RAB27B: variants seen among roughly 807,000 people sequenced by gnomAD.
RAB27B encodes the protein ras-related protein Rab-27B.
Under a neutral mutation model 24.6 loss-of-function variants are expected in RAB27B, and 15 were observed. That is an observed-to-expected ratio of 0.61 (90% CI 0.41 to 0.94). The LOEUF is 0.94. Ranked by LOEUF, RAB27B falls within the 40% of genes least tolerant of loss-of-function variation. RAB27B has a pLI of 0.00. For missense variants in RAB27B, 261 were observed against 266.8 expected (o/e 0.98, Z 0.15); for synonymous variants, 105 against 92.5 (o/e 1.14, Z -0.78).
Position 54,884,406 on chromosome 18 carries a change from C to T in RAB27B, c.313C>T (p.Gln105Ter). The T allele has an allele frequency of 6.2e-7, 1 of 1,611,994 alleles. No homozygotes were observed. The highest frequency in any genetic ancestry group is 1.1e-5 in the South Asian group (1 of 91,002). The change falls in exon 4 of 6, where the codon CAG becomes TAG. Residue 105 changes from glutamine to a stop codon, truncating the protein, a stop_gained. Coordinates refer to ENST00000262094, the MANE Select transcript of RAB27B (RefSeq NM_004163.4). LOFTEE classifies it high-confidence loss of function. ...ATTAATGTTTGACCTCACCAGTCAA[C>T]AGAGCTTCTTAAATGTCAGAAACTG... ...FLLMFDLTSQ[Q>*]SFLNVRNWMS...
At chr18:54,811,534 A>T (rs2145149925) in intron 2 of RAB27B, among the ~76,000 whole-genome samples, 1 of 152,258 alleles carries the variant, frequency 6.6e-6, no homozygotes, top group Middle Eastern at 3.4e-3. Flanking sequence ...GGATGGAGGA[A>T]TAGTCACTTA....
intron 2 of RAB27B, among the ~76,000 whole-genome samples, chr18:54,780,634 C>T (rs1908885830): frequency 6.6e-6 from 1 of 152,166 alleles, no homozygotes; most frequent in African/African-American, 2.4e-5. Flanking sequence ...AGAGCCAACC[C>T]ACATGACCTC....
intron 1 of RAB27B, among the ~76,000 whole-genome samples, chr18:54,838,043 G>A (rs1910963070): frequency 6.6e-6 from 1 of 152,074 alleles, no homozygotes; most frequent in South Asian, 2.1e-4. Context: ...TTAATATCAT[G>A]CTCTAATAAT....
chr18:54,825,756 A>T (rs896998286), upstream of RAB27B, among the ~76,000 whole-genome samples: 2 of 152,210 alleles, frequency 1.3e-5, no homozygotes, highest in Non-Finnish European at 2.9e-5. Context: ...AGATGGAGGA[A>T]CTTATGGTTG....
At chr18:54,821,954 T>C (rs529551558) in intron 2 of RAB27B, among the ~76,000 whole-genome samples, 27 of 152,264 alleles carry the variant, frequency 1.8e-4, no homozygotes, top group Non-Finnish European at 3.7e-4. Context: ...GGTTTCACCA[T>C]GTCGGCCAGG....
chr18:54,752,772 C>T (rs1416764286), intron 2 of RAB27B, among the ~76,000 whole-genome samples: 1 of 152,172 alleles, frequency 6.6e-6, no homozygotes, highest in Non-Finnish European at 1.5e-5. Flanking sequence ...GGCCATTCTA[C>T]AGGGCATTCA....
chr18:54,877,621 C>T lies in RAB27B; in HGVS notation c.36C>T (p.Leu12=), dbSNP rs1912756321. 4 of 1,590,992 alleles carry T rather than the reference C, an allele frequency of 2.5e-6. No individual in the cohort carries two copies. The Admixed American group carries it at 5.6e-5, about 22-fold the overall frequency. ...GAGACTATGATTATCTGATCAAACT[C>T]CTGGCCCTCGGGGATTCAGGGGTGG... is the stretch of plus-strand genomic sequence containing the variant. The part of the protein sequence containing the change: ...TDGDYDYLIK[L]LALGDSGVGK... Residue 12 remains leucine (L), a synonymous_variant, in exon 2 of 6, where the codon CTC becomes CTT. Coordinates refer to ENST00000262094, the MANE Select transcript of RAB27B (RefSeq NM_004163.4).
intron 2 of RAB27B, among the ~76,000 whole-genome samples, chr18:54,767,139 T>C (rs1908388587): frequency 6.6e-6 from 1 of 152,210 alleles, no homozygotes; most frequent in Non-Finnish European, 1.5e-5. Flanking sequence ...GATTTTCCTT[T>C]CTTTTATCTT....
chr18:54,874,777 C>A (rs886176778), intron 1 of RAB27B, among the ~76,000 whole-genome samples: 2 of 152,094 alleles, frequency 1.3e-5, no homozygotes, highest in Admixed American at 6.6e-5. Context: ...TAAGCACTTT[C>A]TTTTTTCTGA....
chr18:54,745,919 A>G (rs1481955079), intron 2 of RAB27B, among the ~76,000 whole-genome samples: 1 of 150,450 alleles, frequency 6.6e-6, no homozygotes, highest in Non-Finnish European at 1.5e-5. Flanking sequence ...GCCAAGATAA[A>G]TAGATACAAA....
intron 2 of RAB27B, among the ~76,000 whole-genome samples, chr18:54,734,914 A>G (rs1909843135): frequency 6.6e-6 from 1 of 152,192 alleles, no homozygotes; most frequent in African/African-American, 2.4e-5. Context: ...GAAATTATGA[A>G]TCTCAGACAA....
Position 54,889,505 on chromosome 18 carries a change from G to C in RAB27B, c.*92G>C, listed in dbSNP as rs575722674. ...ACACAATTGTTGTTGAGTAAACCAC[G>C]CACAATGGCATGTCTTTCTTTTTCT... On this transcript the variant is annotated 3_prime_UTR_variant, in exon 6 of 6. Transcript: ENST00000262094. The C allele has an allele frequency of 9.0e-7, 1 of 1,111,264 alleles. No individual in the cohort carries two copies. Among genetic ancestry groups the C allele is most frequent in the Non-Finnish European group, 1.3e-6 (1 of 799,978 alleles). 68.8% of individuals were successfully genotyped at this position (1,111,264 alleles called of 1,614,324 possible). A position where few individuals can be genotyped will look rare whatever the true frequency, so the allele number is the denominator to read the frequency against.
intron 1 of RAB27B, among the ~76,000 whole-genome samples, chr18:54,836,876 C>T (rs1338796532): frequency 1.3e-5 from 2 of 150,074 alleles, no homozygotes; most frequent in African/African-American, 5.1e-5. Flanking sequence ...ACATTATAAA[C>T]ATTAGGAAAA....
At chr18:54,797,292 G>A (rs543110634) in intron 2 of RAB27B, among the ~76,000 whole-genome samples, 28 of 152,314 alleles carry the variant, frequency 1.8e-4, no homozygotes, top group Non-Finnish European at 3.4e-4. Context: ...TTGTGAGGCC[G>A]AGGTGGGTGG....
intron 3 of RAB27B, among the ~76,000 whole-genome samples, chr18:54,883,237 T>C (rs1441870676): frequency 1.3e-5 from 2 of 152,060 alleles, no homozygotes; most frequent in Non-Finnish European, 2.9e-5. Flanking sequence ...GCAGGGAACA[T>C]CTGGATCTCT....
At chr18:54,801,010 T>G (rs1412738662) in intron 2 of RAB27B, among the ~76,000 whole-genome samples, 3 of 45,858 alleles carry the variant, frequency 6.5e-5, no homozygotes, top group South Asian at 9.7e-4. Flanking sequence ...GTTCCTGTGT[T>G]TTTTTTTTTT....
chr18:54,810,019 A>C (rs1909913189), intron 2 of RAB27B, among the ~76,000 whole-genome samples: 2 of 152,228 alleles, frequency 1.3e-5, no homozygotes, highest in African/African-American at 4.8e-5. Context: ...TGAAGTTTTG[A>C]GAACAATTGA....
chr18:54,870,671 T>G (rs980732934), intron 1 of RAB27B, among the ~76,000 whole-genome samples: 5 of 152,182 alleles, frequency 3.3e-5, no homozygotes, highest in African/African-American at 1.2e-4. Flanking sequence ...GTAAGTGAAA[T>G]ATAGGTTAAA....
intron 2 of RAB27B, among the ~76,000 whole-genome samples, chr18:54,775,855 G>A (rs1021783040): frequency 5.3e-5 from 8 of 152,044 alleles, no homozygotes; most frequent in African/African-American, 1.7e-4. Flanking sequence ...GGTCAGCCTC[G>A]GCACAGTCAT....
Sources: gnomAD v4.1 joint callset for allele counts (sites outside exome capture counted in the v4.1 genomes callset) on GRCh38, gnomAD v4.1.1 for gene constraint, MANE v1.5 for transcripts, NCBI Gene and HGNC (gene_info 2026-07-23, HGNC 2026-07-21) for gene names.